The following CACNA1C variants were observed in gnomAD, a reference collection of about 807,000 sequenced individuals.
CACNA1C encodes the protein calcium voltage-gated channel subunit alpha1 C.
A neutral mutation model predicts 229.0 loss-of-function variants in CACNA1C; 30 were observed. The ratio of observed to expected loss-of-function variants is 0.13; its 90% CI spans 0.10 to 0.18. The LOEUF (loss-of-function observed/expected upper bound fraction) is 0.18. Among genes scored for constraint, CACNA1C ranks in the 10% least tolerant of loss-of-function variants. CACNA1C has a pLI of 1.00. For synonymous variants in CACNA1C, 1,114 were observed against 1,132.5 expected, an observed-to-expected ratio of 0.98 and a Z score of 0.33; for missense variants, 1,658 against 2,845.0, an observed-to-expected ratio of 0.58 and a Z score of 9.49.
chr12:2,335,626 G>T (rs186315695), intron 3 of CACNA1C, among the ~76,000 whole-genome samples: 1 of 152,074 alleles, frequency 6.6e-6, no homozygotes, highest in Admixed American at 6.5e-5. Context: ...GCCTTTCCAG[G>T]TGCAGGACAG....
intron 11 of CACNA1C, among the ~76,000 whole-genome samples, 160 bp downstream of exon 11, chr12:2,557,137 T>C (rs2044802637): frequency 6.6e-6 from 1 of 152,214 alleles, no homozygotes. Context: ...AGAAAAAGCT[T>C]ATGGCTCAGA....
chr12:2,176,776 C>T (rs939187905), intron 3 of CACNA1C, among the ~76,000 whole-genome samples: 8 of 152,342 alleles, frequency 5.3e-5, no homozygotes, highest in African/African-American at 1.9e-4. Flanking sequence ...CCCCAGAGAA[C>T]TGGAATTCCA....
chr12:2,131,964 A>G (rs1488105980), intron 3 of CACNA1C, among the ~76,000 whole-genome samples: 43 of 142,990 alleles, frequency 3.0e-4, no homozygotes, highest in African/African-American at 1.1e-3. Flanking sequence ...ATTTGTTTGT[A>G]TCCTCTTTTA....
intron 3 of CACNA1C, among the ~76,000 whole-genome samples, chr12:2,261,894 A>G (rs1160099964): frequency 2.0e-5 from 3 of 152,222 alleles, no homozygotes; most frequent in Admixed American, 1.3e-4. Flanking sequence ...AATGACAGTG[A>G]GTGGACATTG....
chr12:2,028,571 C>T (rs1036275596), intron 1 of CACNA1C, among the ~76,000 whole-genome samples: 1 of 152,102 alleles, frequency 6.6e-6, no homozygotes, highest in Admixed American at 6.5e-5. Flanking sequence ...TCAGCACCAA[C>T]GTTAGAACTA....
At position 2,270,257 on chromosome 12, in the gene CACNA1C, G is replaced by C. The variant is rs545708496; in HGVS notation, c.477+149827G>C. On this transcript the variant is annotated intron_variant, in intron 3 of 46. Coordinates refer to ENST00000399655, the MANE Select transcript of CACNA1C (RefSeq NM_000719.7). ...TTAAAGTATTCCATCGTCAAGACTA[G>C]TGTGTTTACCTTGCAAACTACCTTG... 3.9e-5 allele frequency among the ~76,000 whole-genome samples: 6 copies of C among 152,320 alleles called. No individual in the cohort carries two copies. The East Asian group carries it at 5.8e-4, about 15-fold the overall frequency.
chr12:2,033,027 G>A (rs1248067261), intron 1 of CACNA1C, among the ~76,000 whole-genome samples: 1 of 152,168 alleles, frequency 6.6e-6, no homozygotes, highest in East Asian at 1.9e-4. Flanking sequence ...GAAGGTAGGG[G>A]GTGGTGGAGT....
At chr12:2,447,250 C>G (rs574158840) in intron 3 of CACNA1C, among the ~76,000 whole-genome samples, 142 of 152,298 alleles carry the variant, frequency 9.3e-4, no homozygotes, top group African/African-American at 2.9e-3. Context: ...GAGCTTCCCA[C>G]GTCCTGTGAT....
intron 13 of CACNA1C, among the ~76,000 whole-genome samples, chr12:2,574,647 C>G (rs1327581834): frequency 6.6e-6 from 1 of 152,220 alleles, no homozygotes; most frequent in African/African-American, 2.4e-5. Flanking sequence ...CTCCCAGGCT[C>G]GAAATGTCTC....
Position 2,467,247 on chromosome 12 carries a change from T to C in CACNA1C, c.757+9541T>C, listed in dbSNP as rs1215679371. Among the ~76,000 whole-genome samples the C allele has an allele frequency of 2.0e-5, 3 of 152,210 alleles. No homozygotes were observed. Among genetic ancestry groups the C allele is most frequent in the Admixed American group, 2.0e-4 (3 of 15,290 alleles). ...TGTATGTGTCTCATGGCACTGTTCC[T>C]GAATCCGAATGTCTGGGTGGGAGGG... On this transcript the variant is annotated intron_variant, in intron 5 of 46. Coordinates refer to ENST00000399655, the MANE Select transcript of CACNA1C (RefSeq NM_000719.7). This position sits in a 1 kb window ranked among gnomAD's most constrained non-coding sequence, Gnocchi z 4.6.
At chr12:2,143,164 C>A (rs1174172117) in intron 3 of CACNA1C, among the ~76,000 whole-genome samples, 3 of 150,878 alleles carry the variant, frequency 2.0e-5, no homozygotes, top group African/African-American at 7.3e-5. Context: ...TTAGTAGAGA[C>A]GGGGTTTCAC....
In CACNA1C at chr12:2,654,640, T is replaced by C. The variant is rs1254222364; in HGVS notation, c.4141-507T>C. ...CCTTTTGAGACTAAAAGAGCTACCT[T>C]GATACCTGATAAAGGTGGCAGTTTC... is the stretch of plus-strand genomic sequence containing the variant. On this transcript the variant is annotated intron_variant, in intron 33 of 46. Coordinates refer to ENST00000399655, the MANE Select transcript of CACNA1C (RefSeq NM_000719.7). The surrounding 1 kb of genome is among the most constrained non-coding windows in gnomAD (Gnocchi z 4.4). Among the ~76,000 whole-genome samples, 4 of 152,344 alleles carry C rather than the reference T, an allele frequency of 2.6e-5. No homozygotes were observed. The East Asian group carries it at 7.7e-4, about 29-fold the overall frequency.
intron 3 of CACNA1C, among the ~76,000 whole-genome samples, chr12:2,361,048 G>A (rs975337980): frequency 1.3e-5 from 2 of 151,898 alleles, no homozygotes; most frequent in Admixed American, 6.6e-5. Context: ...TGTTTTAAAT[G>A]TGTAGCTTGG....
chr12:2,317,984 G>A (rs2095783138), intron 3 of CACNA1C, among the ~76,000 whole-genome samples: 1 of 152,198 alleles, frequency 6.6e-6, no homozygotes, highest in Non-Finnish European at 1.5e-5. Context: ...AGCCAGGCCT[G>A]AGGAAGTGCG....
intron 3 of CACNA1C, among the ~76,000 whole-genome samples, chr12:2,356,491 G>A (rs2097367154): frequency 6.6e-6 from 1 of 152,248 alleles, no homozygotes; most frequent in South Asian, 2.1e-4. Flanking sequence ...TGTATGCCCA[G>A]GAAAGGGGGC....
intron 1 of CACNA1C, among the ~76,000 whole-genome samples, chr12:2,000,764 C>G (rs1170135680): frequency 2.6e-5 from 4 of 152,144 alleles, no homozygotes; most frequent in Non-Finnish European, 5.9e-5. Context: ...AGGCCGGGCA[C>G]AGGGGCTCAC....
intron 3 of CACNA1C, among the ~76,000 whole-genome samples, chr12:2,184,867 C>A (rs73603788): frequency 6.6e-6 from 1 of 152,180 alleles, no homozygotes; most frequent in African/African-American, 2.4e-5. Flanking sequence ...CCCATTAGCA[C>A]TGACATCTAA....
At chr12:2,028,558 C>G (rs2429143) in intron 1 of CACNA1C, among the ~76,000 whole-genome samples, 2,235 of 152,168 alleles carry the variant, frequency 0.015, 60 homozygotes, top group African/African-American at 0.051. Context: ...AAGCATGGTC[C>G]TATCAGCACC....
intron 1 of CACNA1C, among the ~76,000 whole-genome samples, chr12:2,086,757 A>G (rs2067843488): frequency 6.6e-6 from 1 of 152,174 alleles, no homozygotes; most frequent in South Asian, 2.1e-4. Context: ...CAGGTGAGGA[A>G]ACAGAGGGAT....
Sources: allele counts gnomAD v4.1 joint callset (sites outside exome capture counted in the v4.1 genomes callset), GRCh38; gene constraint gnomAD v4.1.1; non-coding constraint Gnocchi (gnomAD v3.1); transcripts MANE v1.5; gene names NCBI Gene and HGNC (gene_info 2026-07-23, HGNC 2026-07-21).